AKNA: variants seen among roughly 807,000 people sequenced by gnomAD.
AKNA encodes the protein AT-hook transcription factor.
Under a neutral mutation model 138.8 loss-of-function variants are expected in AKNA, and 67 were observed. The observed-to-expected ratio is 0.48, with a 90% confidence interval of 0.40 to 0.59. The LOEUF is 0.59. AKNA is among the 20% of genes least tolerant of loss of function. The probability of loss-of-function intolerance (pLI) is 0.00; values close to 1 mark genes in which losing one functional copy is unlikely to be tolerated. For missense variants in AKNA, 1,813 were observed against 1,880.4 expected, an observed-to-expected ratio of 0.96 and a Z score of 0.66; for synonymous variants, 737 against 754.4, an observed-to-expected ratio of 0.98 and a Z score of 0.38.
chr9:114,352,638 A>G (rs1415245728), intron 14 of AKNA, among the ~76,000 whole-genome samples: 2 of 150,446 alleles, frequency 1.3e-5, no homozygotes, highest in Non-Finnish European at 3.0e-5. Flanking sequence ...AAAATAATGA[A>G]CCAGCTGGGC....
At chr9:114,396,238 T>C (rs1167679300), upstream of AKNA, among the ~76,000 whole-genome samples, 1 of 152,204 alleles carries the variant, frequency 6.6e-6, no homozygotes, top group Admixed American at 6.5e-5. Flanking sequence ...TCGCACTCAA[T>C]AAATATTACC....
chr9:114,352,373 G>T (rs970702925), intron 14 of AKNA, among the ~76,000 whole-genome samples: 1 of 152,100 alleles, frequency 6.6e-6, no homozygotes, highest in Non-Finnish European at 1.5e-5. Flanking sequence ...TGAGGCGGGC[G>T]GATCACTTGA....
chr9:114,385,993 G>T lies in AKNA; in HGVS notation c.-114+1867C>A, dbSNP rs546899733. Among the ~76,000 whole-genome samples, 47 of 152,238 alleles carry T rather than the reference G, an allele frequency of 3.1e-4. No homozygotes were observed. The South Asian group carries it at 6.6e-3, about 21-fold the overall frequency. On this transcript the variant is annotated intron_variant, in intron 1 of 21. Transcript: ENST00000374088. ...ACCACCTGCTCTTGATATCGCAAGG[G>T]GATATCACCCTGCTAGGGTGGGTTG...
chr9:114,363,430 T>TG (rs1395423728), intron 7 of AKNA, among the ~76,000 whole-genome samples: 10 of 152,198 alleles, frequency 6.6e-5, no homozygotes, highest in African/African-American at 2.4e-4. Context: ...TCCCTGTATA[T>TG]GGGGGGATTA....
At chr9:114,330,729 G>T, downstream of AKNA, 1 of 1,600,314 alleles carries the variant, frequency 6.2e-7, no homozygotes, top group Non-Finnish European at 8.6e-7. Flanking sequence ...GACTGTGATG[G>T]GCGATTGGCC....
intron 14 of AKNA, among the ~76,000 whole-genome samples, chr9:114,351,649 CAA>C (rs35449353): frequency 0.054 from 7,326 of 136,772 alleles, 581 homozygotes; most frequent in African/African-American, 0.17. Flanking sequence ...CCCATCTTTG[CAA>C]AAAAAAAAAA....
chr9:114,347,751 G>A lies in AKNA; in HGVS notation c.3371C>T (p.Pro1124Leu). The A allele has an allele frequency of 6.5e-7, 1 of 1,538,598 alleles. No individual in the cohort carries two copies. Among genetic ancestry groups the A allele is most frequent in the Middle Eastern group, 1.8e-4 (1 of 5,608 alleles). The change falls in exon 16 of 22, where the codon CCA (proline) becomes CTA (leucine). Residue 1124 changes from proline to leucine, a missense_variant. Pro to Leu is a moderately conservative substitution (Grantham distance 98, BLOSUM62 -3). Transcript: ENST00000374088. ...GCCATAATGGGAGCCCCAGGTGGCT[G>A]GGGAGTCTGCTGGCCGGCCGCGGGT... ...ARTRGRPADS[P>L]ATWGSHYGSK... is the part of the protein sequence containing the mutation.
chr9:114,369,557 G>C (rs1832611614), intron 4 of AKNA, among the ~76,000 whole-genome samples: 1 of 152,070 alleles, frequency 6.6e-6, no homozygotes, highest in Non-Finnish European at 1.5e-5. Context: ...AGTCCTAGTT[G>C]GTTTAATAAC....
chr9:114,361,240 G>C (rs903746947), intron 9 of AKNA, among the ~76,000 whole-genome samples: 4 of 151,904 alleles, frequency 2.6e-5, no homozygotes, highest in Non-Finnish European at 5.9e-5. Flanking sequence ...TCTAGCCACA[G>C]GGCCTTTGCA....
chr9:114,337,012 T>TTGGGGGGG lies in AKNA; in HGVS notation c.*41_*42insCCCCCCCA. The TTGGGGGGG allele has an allele frequency of 3.5e-4, 420 of 1,207,778 alleles. No individual in the cohort carries two copies. The highest frequency in any genetic ancestry group is 6.2e-4 in the Middle Eastern group (2 of 3,230). 74.8% of individuals were successfully genotyped at this position (1,207,778 alleles called of 1,614,324 possible). A position where few individuals can be genotyped will look rare whatever the true frequency, so the allele number is the denominator to read the frequency against. ...CCCACTCCTGGCCTGGCAGGCCACCTGCCCACCCACCCACCCATCTGCCTC... is the reference window on the plus strand; with the variant it reads ...CCCACTCCTGGCCTGGCAGGCCACCTTGGGGGGGGCCCACCCACCCACCCATCTGCCTC... On this transcript the variant is annotated 3_prime_UTR_variant, in exon 22 of 22. Transcript: ENST00000374088.
chr9:114,383,258 C>T, intron 1 of AKNA: 1 of 455,090 alleles, frequency 2.2e-6, no homozygotes, highest in Non-Finnish European at 4.4e-6. Context: ...CCTCCGCTGC[C>T]TTCCCTCAAC....
chr9:114,350,714 G>A, intron 15 of AKNA, 145 bp downstream of exon 15: 1 of 856,322 alleles, frequency 1.2e-6, no homozygotes, highest in Non-Finnish European at 1.7e-6. Context: ...TGGGAACTGG[G>A]AGGCAGGACA....
rs1394611046 is a variant in AKNA at position 114,361,797 on chromosome 9, G to A, written c.2031C>T (p.Ser677=). Reference sequence around the variant, plus strand: ...GATGGAGGCAGGGCAGGGCTGGGGTGCTGTCCAGAGCTGAGTCTGACCCGG... The same window carrying A: ...GATGGAGGCAGGGCAGGGCTGGGGTACTGTCCAGAGCTGAGTCTGACCCGG... The part of the protein sequence containing the change: ...EPPGSDSALD[S]TPALPCLHQP... Residue 677 remains serine (S), a synonymous_variant, in exon 9 of 22, where the codon AGC becomes AGT. Coordinates refer to ENST00000374088, the MANE Select transcript of AKNA (RefSeq NM_001317950.2). The A allele has an allele frequency of 3.1e-6, 5 of 1,613,826 alleles. No individual in the cohort carries two copies. The highest frequency in any genetic ancestry group is 4.2e-6 in the Non-Finnish European group (5 of 1,180,030).
Position 114,376,728 on chromosome 9 carries a change from T to G in AKNA, c.1079A>C (p.Asp360Ala). The G allele has an allele frequency of 6.2e-7, 1 of 1,612,430 alleles. No individual in the cohort carries two copies. The highest frequency in any genetic ancestry group is 8.5e-7 in the Non-Finnish European group (1 of 1,179,202). The change falls in exon 3 of 22, where the codon GAT (aspartate) becomes GCT (alanine). Residue 360 changes from aspartate (D) to alanine (A), a missense_variant. By Grantham distance (126) the Asp-to-Ala change is moderately radical (BLOSUM62 -2). Transcript: ENST00000374088. ...GRGQLNYPLP[D>A]FSKVGPRVRF... ...CACCCGGGGCCCTACCTTGGAGAAA[T>G]CAGGGAGTGGGTAGTTCAACTGCCC...
intron 7 of AKNA, among the ~76,000 whole-genome samples, chr9:114,363,552 A>G (rs954106266): frequency 6.6e-6 from 1 of 152,232 alleles, no homozygotes; most frequent in Non-Finnish European, 1.5e-5. Flanking sequence ...TGTACATGAC[A>G]TCTATGTAAC....
chr9:114,347,026 GATTA>G, intron 16 of AKNA, among the ~76,000 whole-genome samples: 1 of 152,232 alleles, frequency 6.6e-6, no homozygotes. Flanking sequence ...GTTATAAAAA[GATTA>G]ATGAGAAAAT....
In AKNA at chr9:114,346,797, A is replaced by AAG. The variant is rs1588951519; in HGVS notation, c.3399-15_3399-14dup. On this transcript the variant is annotated splice_polypyrimidine_tract_variant and intron_variant, in intron 16 of 21. Transcript: ENST00000374088. ...CTCTGTGGATTTACTAGCAAAAGGA[A>AAG]AGAGAGATGATGTCATTGGATGAGG... is the stretch of plus-strand genomic sequence containing the variant. 2 of 1,605,818 alleles carry AAG rather than the reference A, an allele frequency of 1.2e-6. No homozygotes were observed. The highest frequency in any genetic ancestry group is 1.7e-6 in the Non-Finnish European group (2 of 1,173,982).
In AKNA at chr9:114,362,599, C is replaced by G. The variant is rs961401779; in HGVS notation, c.1789-66G>C. ...CCCGCGGGGCCTGTCCCTGAAGACACAGTGGATGAGACAGCTTGCGGGAGG... is the reference window on the plus strand; with the variant it reads ...CCCGCGGGGCCTGTCCCTGAAGACAGAGTGGATGAGACAGCTTGCGGGAGG... On this transcript the variant is annotated intron_variant, in intron 7 of 21. Coordinates refer to ENST00000374088, the MANE Select transcript of AKNA (RefSeq NM_001317950.2). 5.2e-6 allele frequency: 8 copies of G among 1,553,156 alleles called. No individual in the cohort carries two copies. In the African/African-American group the frequency reaches 9.6e-5, roughly 19 times the overall value.
chr9:114,390,882 G>A (rs1252722667), upstream of AKNA, among the ~76,000 whole-genome samples: 1 of 152,226 alleles, frequency 6.6e-6, no homozygotes, highest in African/African-American at 2.4e-5. Context: ...CCTCCTTGGG[G>A]ACTCCCCATT....
Sources: gnomAD v4.1 joint callset for allele counts (sites outside exome capture counted in the v4.1 genomes callset) on GRCh38, gnomAD v4.1.1 for gene constraint, MANE v1.5 for transcripts, NCBI Gene and HGNC (gene_info 2026-07-23, HGNC 2026-07-21) for gene names.